SUPT3H: variants seen among roughly 807,000 people sequenced by gnomAD.
SUPT3H encodes SPT3 homolog, SAGA and STAGA complex component.
In SUPT3H, 44 loss-of-function variants were observed where a neutral mutation model predicts 44.3. The observed-to-expected ratio is 0.99, with a 90% confidence interval of 0.78 to 1.28. The LOEUF is 1.28. Ranked by LOEUF, SUPT3H falls within the 50% of genes most tolerant of loss-of-function variation. SUPT3H has a pLI of 0.00. For synonymous variants in SUPT3H, 124 were observed against 125.6 expected, an observed-to-expected ratio of 0.99 and a Z score of 0.09; for missense variants, 380 against 387.1, an observed-to-expected ratio of 0.98 and a Z score of 0.15.
chr6:45,302,557 GCA>G (rs1782324117), intron 2 of SUPT3H, among the ~76,000 whole-genome samples: 1 of 68,796 alleles, frequency 1.5e-5, no homozygotes, highest in South Asian at 5.2e-4. Context: ...ATATATATAT[GCA>G]TGCCACAATT....
intron 9 of SUPT3H, among the ~76,000 whole-genome samples, chr6:44,935,275 T>G (rs1771220250): frequency 6.6e-6 from 1 of 152,234 alleles, no homozygotes; most frequent in South Asian, 2.1e-4. Context: ...GTATCCAAAG[T>G]TTAGAATTTT....
downstream of SUPT3H, among the ~76,000 whole-genome samples, chr6:44,821,760 A>G (rs1767337062): frequency 6.6e-6 from 1 of 152,208 alleles, no homozygotes; most frequent in African/African-American, 2.4e-5. Context: ...AAAGGAAGAA[A>G]AAAGCCCTCA....
intron 10 of SUPT3H, among the ~76,000 whole-genome samples, chr6:44,885,797 T>C (rs1762168692): frequency 6.6e-6 from 1 of 152,082 alleles, no homozygotes; most frequent in Admixed American, 6.6e-5. Context: ...AGAAGAAGGC[T>C]TCAGACGATC....
At chr6:44,882,172 A>T (rs983082645) in intron 10 of SUPT3H, among the ~76,000 whole-genome samples, 1 of 152,226 alleles carries the variant, frequency 6.6e-6, no homozygotes, top group African/African-American at 2.4e-5. Flanking sequence ...AGAAGAATCA[A>T]ATAGACACAA....
chr6:45,288,135 G>T (rs1260188947), intron 2 of SUPT3H, among the ~76,000 whole-genome samples: 1 of 152,072 alleles, frequency 6.6e-6, no homozygotes, highest in Non-Finnish European at 1.5e-5. Context: ...TAGTTTCTGA[G>T]TTGACATCTT....
chr6:45,166,341 C>A (rs1204173395), intron 2 of SUPT3H, among the ~76,000 whole-genome samples: 3 of 152,132 alleles, frequency 2.0e-5, no homozygotes, highest in African/African-American at 7.2e-5. Flanking sequence ...GTAATCCTAG[C>A]ACTTTAGGAG....
intron 2 of SUPT3H, among the ~76,000 whole-genome samples, chr6:45,340,322 G>A (rs1027592732): frequency 6.6e-6 from 1 of 152,030 alleles, no homozygotes; most frequent in African/African-American, 2.4e-5. Flanking sequence ...GGTGAGGTTT[G>A]TTAAGCCCCC....
At chr6:45,167,188 G>A (rs1002722158) in intron 2 of SUPT3H, among the ~76,000 whole-genome samples, 12 of 152,242 alleles carry the variant, frequency 7.9e-5, no homozygotes, top group Non-Finnish European at 1.0e-4. Context: ...CAGAAGTGTA[G>A]GTACTATAAA....
intron 2 of SUPT3H, among the ~76,000 whole-genome samples, chr6:45,259,996 G>A (rs572747282): frequency 1.1e-4 from 16 of 152,158 alleles, no homozygotes; most frequent in African/African-American, 3.1e-4. Flanking sequence ...TTTGAATTCC[G>A]TTACTAAGGA....
chr6:45,047,630 TAAG>T (rs1191685887), intron 3 of SUPT3H, among the ~76,000 whole-genome samples: 1 of 152,138 alleles, frequency 6.6e-6, no homozygotes, highest in Non-Finnish European at 1.5e-5. Context: ...TTTATTCTGA[TAAG>T]AATAATCTAT....
At chr6:45,151,728 C>A (rs983301950) in intron 2 of SUPT3H, among the ~76,000 whole-genome samples, 2 of 152,096 alleles carry the variant, frequency 1.3e-5, no homozygotes, top group African/African-American at 2.4e-5. Flanking sequence ...TTAAAATTAA[C>A]ATCAATTTAT....
rs770813923 is a variant in SUPT3H at position 45,003,653 on chromosome 6, C to T, written c.504G>A (p.Glu168=). 1.2e-6 allele frequency: 2 copies of T among 1,612,804 alleles called. No individual in the cohort carries two copies. Among genetic ancestry groups the T allele is most frequent in the African/African-American group, 2.7e-5 (2 of 74,820 alleles). ...EIDEVKQERM[E]RAERQTRIMD... ...GTAAAAAGGGAAGAATGTACTATAC[C>T]TCCATTCTTTCTTGTTTAACTTCAT... The change falls in exon 6 of 11, where the codon GAG becomes GAA. Residue 168 remains glutamate, a splice_region_variant and synonymous_variant. Transcript: ENST00000371459.
At chr6:45,014,996 T>C (rs1180263796) in intron 4 of SUPT3H, 105 bp from the exon 5 acceptor site, 1 of 565,968 alleles carries the variant, frequency 1.8e-6, no homozygotes, top group Non-Finnish European at 2.7e-6. Context: ...CCCCATGATA[T>C]CAGAGAAAGT....
At chr6:44,940,464 C>A (rs1440656689) in intron 9 of SUPT3H, among the ~76,000 whole-genome samples, 1 of 152,026 alleles carries the variant, frequency 6.6e-6, no homozygotes, top group Non-Finnish European at 1.5e-5. Flanking sequence ...TGATATCTAT[C>A]TTGGCAAATG....
At chr6:44,940,767 GAATTGTTTT>G (rs1214967611) in intron 9 of SUPT3H, among the ~76,000 whole-genome samples, 1 of 152,104 alleles carries the variant, frequency 6.6e-6, no homozygotes, top group Non-Finnish European at 1.5e-5. Context: ...TATATACTTA[GAATTGTTTT>G]AGCCTCTTGC....
chr6:45,093,222 C>T (rs556549581), intron 3 of SUPT3H, among the ~76,000 whole-genome samples: 6 of 151,954 alleles, frequency 3.9e-5, no homozygotes, highest in South Asian at 4.2e-4. Context: ...ATAAAAGTTG[C>T]TAATTATATT....
rs950524065 is a variant in SUPT3H at position 44,932,571 on chromosome 6, A to G, written c.912+82T>C. 6.1e-6 allele frequency: 6 copies of G among 976,760 alleles called. No homozygotes were observed. In the Admixed American group the frequency reaches 9.0e-5, roughly 15 times the overall value. 60.5% of individuals were successfully genotyped at this position (976,760 alleles called of 1,614,324 possible). A position where few individuals can be genotyped will look rare whatever the true frequency, so the allele number is the denominator to read the frequency against. The stretch of plus-strand genomic sequence containing the variant: ...ACCACAAATTGCTTTCAACAATTCC[A>G]TTGCTTCTTCATTTGACCACTTGAA... On this transcript the variant is annotated intron_variant, in intron 10 of 10. Coordinates refer to ENST00000371459, the MANE Select transcript of SUPT3H (RefSeq NM_003599.4).
chr6:45,074,811 T>G (rs1794804201), intron 3 of SUPT3H, among the ~76,000 whole-genome samples: 1 of 152,084 alleles, frequency 6.6e-6, no homozygotes, highest in Non-Finnish European at 1.5e-5. Flanking sequence ...TCTGTTAATC[T>G]TATGTATACA....
In SUPT3H at chr6:44,901,575, T is replaced by C. The variant is rs527321297; in HGVS notation, c.912+31078A>G. The stretch of plus-strand genomic sequence containing the variant: ...GTGTACCTGAAAGTGACAGGGAGAA[T>C]GGAACCAAGTTGGAAAACACTCTGC... On this transcript the variant is annotated intron_variant, in intron 10 of 10. Transcript: ENST00000371459. Among the ~76,000 whole-genome samples, 539 of 151,910 alleles carry C rather than the reference T, an allele frequency of 3.5e-3. 2 individuals are homozygous for C. Among genetic ancestry groups the C allele is most frequent in the African/African-American group, 0.012 (507 of 41,422 alleles).
Sources: allele counts gnomAD v4.1 joint callset (sites outside exome capture counted in the v4.1 genomes callset), GRCh38; gene constraint gnomAD v4.1.1; transcripts MANE v1.5; gene names NCBI Gene and HGNC (gene_info 2026-07-23, HGNC 2026-07-21).